The following DTL variants were observed in gnomAD, a reference collection of about 807,000 sequenced individuals.
The protein encoded by DTL is denticleless protein homolog.
In DTL, 46 loss-of-function variants were observed where a neutral mutation model predicts 87.0. The observed-to-expected ratio is 0.53, with a 90% CI of 0.42 to 0.68. The LOEUF is 0.68. Ranked by LOEUF, DTL falls within the 30% of genes least tolerant of loss-of-function variation. DTL has a pLI of 0.00. For synonymous variants in DTL, 308 were observed against 311.2 expected (o/e 0.99, Z 0.11); for missense variants, 737 against 869.4 (o/e 0.85, Z 1.91).
At chr1:212,083,635 C>A (rs1245385682) in intron 13 of DTL, among the ~76,000 whole-genome samples, 2 of 151,828 alleles carry the variant, frequency 1.3e-5, no homozygotes, top group Non-Finnish European at 2.9e-5. Context: ...AGAAGGAGGT[C>A]AAAAAACTGA....
At position 212,101,027 on chromosome 1, in the gene DTL, T is replaced by C; in HGVS notation, c.2037T>C (p.Ser679=). ...AGGCTGAGAATCCATCTCCACGAAG[T>C]CCGTCATCCCAGACACCCAATTCCA... ...KRKAENPSPR[S]PSSQTPNSRR... is the part of the protein sequence containing the mutation. Residue 679 remains serine, a synonymous_variant, in exon 14 of 15, where the codon AGT becomes AGC. Transcript: ENST00000366991. 6.2e-7 allele frequency: 1 copy of C among 1,613,824 alleles called. No homozygotes were observed. Among genetic ancestry groups the C allele is most frequent in the Non-Finnish European group, 8.5e-7 (1 of 1,179,876 alleles).
chr1:212,044,841 GT>G (rs2102528217), intron 3 of DTL, 83 bp downstream of exon 3: 2 of 807,988 alleles, frequency 2.5e-6, no homozygotes, highest in Non-Finnish European at 4.1e-6. Context: ...AACACATTCT[GT>G]TTTAGTCTGT....
chr1:212,075,062 A>C (rs1277016170), intron 11 of DTL, among the ~76,000 whole-genome samples: 1 of 152,212 alleles, frequency 6.6e-6, no homozygotes, highest in South Asian at 2.1e-4. Flanking sequence ...CTGATTTGGC[A>C]TAGTCATTCT....
Position 212,047,351 on chromosome 1 carries a change from C to A in DTL, c.394C>A (p.Leu132Met). The A allele has an allele frequency of 6.2e-7, 1 of 1,614,152 alleles. No individual in the cohort carries two copies. Among genetic ancestry groups the A allele is most frequent in the Non-Finnish European group, 8.5e-7 (1 of 1,180,030 alleles). ...AKFWDVKAGE[L>M]IGTCKGHQCS... The stretch of plus-strand genomic sequence containing the variant: ...ATTTTGGGACGTAAAAGCTGGTGAG[C>A]TGATTGGAACATGCAAAGGTCATCA... Residue 132 changes from leucine to methionine, a missense_variant, in exon 5 of 15, where the codon CTG (leucine) becomes ATG (methionine). Leu to Met is a conservative substitution (Grantham distance 15, BLOSUM62 2). Coordinates refer to ENST00000366991, the MANE Select transcript of DTL (RefSeq NM_016448.4).
At chr1:212,083,690 A>G (rs77711544) in intron 13 of DTL, among the ~76,000 whole-genome samples, 3 of 152,230 alleles carry the variant, frequency 2.0e-5, no homozygotes, top group African/African-American at 4.8e-5. Context: ...TTTTTTAATC[A>G]CCATAAATTG....
chr1:212,040,918 C>T (rs1462771528), intron 1 of DTL, among the ~76,000 whole-genome samples: 2 of 152,100 alleles, frequency 1.3e-5, no homozygotes, highest in African/African-American at 4.8e-5. Context: ...AGTTTCAGAC[C>T]GTTGTTGACT....
intron 10 of DTL, among the ~76,000 whole-genome samples, chr1:212,070,868 A>G (rs919603565): frequency 2.0e-5 from 3 of 152,202 alleles, no homozygotes; most frequent in African/African-American, 7.2e-5. Context: ...TTAAACATTT[A>G]CAGTGCATAT....
chr1:212,062,220 G>C (rs545092279), intron 5 of DTL, among the ~76,000 whole-genome samples: 1 of 152,308 alleles, frequency 6.6e-6, no homozygotes, highest in South Asian at 2.1e-4. Flanking sequence ...TACAACTAAT[G>C]CAAGTGGATT....
intron 11 of DTL, among the ~76,000 whole-genome samples, chr1:212,073,859 G>A (rs926429063): frequency 2.0e-5 from 3 of 151,726 alleles, no homozygotes; most frequent in Non-Finnish European, 4.4e-5. Flanking sequence ...TATGTCGCTG[G>A]CACTAATGCT....
chr1:212,036,809 T>G (rs1387484244), intron 1 of DTL, among the ~76,000 whole-genome samples: 1 of 152,176 alleles, frequency 6.6e-6, no homozygotes, highest in Non-Finnish European at 1.5e-5. Flanking sequence ...AAAATCTCAC[T>G]CATGTGAAGG....
At chr1:212,093,242 C>A (rs1212790276) in intron 13 of DTL, among the ~76,000 whole-genome samples, 1 of 152,138 alleles carries the variant, frequency 6.6e-6, no homozygotes, top group Non-Finnish European at 1.5e-5. Context: ...AGGGCTCCGA[C>A]CCCACAGCAG....
rs1655700985 is a variant in DTL at position 212,104,011 on chromosome 1, A to G, written c.*1071A>G. 6.6e-6 allele frequency: 1 copy of G among 152,198 alleles called. No individual in the cohort carries two copies. Among genetic ancestry groups the G allele is most frequent in the Non-Finnish European group, 1.5e-5 (1 of 68,034 alleles). 9.4% of individuals were successfully genotyped at this position (152,198 alleles called of 1,614,324 possible). A position where few individuals can be genotyped will look rare whatever the true frequency, so the allele number is the denominator to read the frequency against. On this transcript the variant is annotated 3_prime_UTR_variant, in exon 15 of 15. Coordinates refer to ENST00000366991, the MANE Select transcript of DTL (RefSeq NM_016448.4). ...CAAAAAGTAATAGAATTTTCTCTAG[A>G]TATTTAATACAGAGAGTGTATAGAC...
Position 212,072,127 on chromosome 1 carries a change from T to G in DTL, c.949T>G (p.Ser317Ala). 2 of 1,614,102 alleles carry G rather than the reference T, an allele frequency of 1.2e-6. No homozygotes were observed. Among genetic ancestry groups the G allele is most frequent in the South Asian group, 2.2e-5 (2 of 91,082 alleles). ...PVAIFNGHQNSTFYVKSSLSP... is the reference protein window; with the variant it reads ...PVAIFNGHQNATFYVKSSLSP... Reference sequence around the variant, plus strand: ...GGCTATTTTCAATGGACACCAGAACTCTACCTTTTATGTAAAATCCAGCCT... The same window carrying G: ...GGCTATTTTCAATGGACACCAGAACGCTACCTTTTATGTAAAATCCAGCCT... Residue 317 changes from serine (S) to alanine (A), a missense_variant, in exon 11 of 15, where the codon TCT (serine) becomes GCT (alanine). Coordinates refer to ENST00000366991, the MANE Select transcript of DTL (RefSeq NM_016448.4).
Position 212,100,943 on chromosome 1 carries a change from CAA to C in DTL, c.1955_1956del (p.Lys652ArgfsTer3). 1 of 1,614,116 alleles carries C rather than the reference CAA, an allele frequency of 6.2e-7. No individual in the cohort carries two copies. Among genetic ancestry groups the C allele is most frequent in the Non-Finnish European group, 8.5e-7 (1 of 1,180,014 alleles). On this transcript the variant is annotated frameshift_variant, in exon 14 of 15. Transcript: ENST00000366991. LOFTEE classifies it high-confidence loss of function. ...PCGEGSEMVG[K>X]ENSSPENKNW... ...GTGGAGAAGGGTCTGAAATGGTAGG[CAA>C]AGAGAATAGTTCCCCAGAGAATAAA... is the stretch of plus-strand genomic sequence containing the variant.
chr1:212,086,551 G>C (rs1404639223), intron 13 of DTL, among the ~76,000 whole-genome samples: 1 of 151,962 alleles, frequency 6.6e-6, no homozygotes, highest in African/African-American at 2.4e-5. Context: ...CACCACGCCT[G>C]GATAATTTTT....
chr1:212,098,498 G>A (rs1162694532), intron 13 of DTL, among the ~76,000 whole-genome samples: 1 of 152,036 alleles, frequency 6.6e-6, no homozygotes, highest in African/African-American at 2.4e-5. Flanking sequence ...TTTTGTTTAC[G>A]GCTACCAGGG....
intron 13 of DTL, among the ~76,000 whole-genome samples, chr1:212,085,094 G>A (rs182384971): frequency 2.0e-5 from 3 of 152,304 alleles, no homozygotes; most frequent in East Asian, 1.9e-4. Flanking sequence ...CACATGTTTA[G>A]TACAGACACA....
At chr1:212,052,243 C>T (rs1188538145) in intron 5 of DTL, among the ~76,000 whole-genome samples, 1 of 152,158 alleles carries the variant, frequency 6.6e-6, no homozygotes, top group East Asian at 1.9e-4. Flanking sequence ...TATGTCTAGT[C>T]ATGGTTCCCT....
At chr1:212,097,510 G>A (rs1180223105) in intron 13 of DTL, among the ~76,000 whole-genome samples, 2 of 151,928 alleles carry the variant, frequency 1.3e-5, no homozygotes, top group African/African-American at 4.8e-5. Flanking sequence ...TGGTTCTATT[G>A]TTAAAACTTT....
Sources: gnomAD v4.1 joint callset for allele counts (sites outside exome capture counted in the v4.1 genomes callset) on GRCh38, gnomAD v4.1.1 for gene constraint, MANE v1.5 for transcripts, NCBI Gene and HGNC (gene_info 2026-07-23, HGNC 2026-07-21) for gene names.